Variants in CACNA1C observed in about 807,000 individuals in gnomAD.
The protein encoded by CACNA1C is voltage-dependent L-type calcium channel subunit alpha-1C.
In CACNA1C, 30 loss-of-function variants were observed where a neutral mutation model predicts 229.0. The observed-to-expected ratio is 0.13, with a 90% confidence interval of 0.10 to 0.18. The LOEUF is 0.18. Ranked by LOEUF, CACNA1C falls within the 10% of genes least tolerant of loss-of-function variation. CACNA1C has a pLI of 1.00. For synonymous variants in CACNA1C, 1,114 were observed against 1,132.5 expected (o/e 0.98, Z 0.33); for missense variants, 1,658 against 2,845.0 (o/e 0.58, Z 9.49).
At chr12:2,478,104 A>G (rs945388218) in intron 5 of CACNA1C, among the ~76,000 whole-genome samples, 1 of 152,172 alleles carries the variant, frequency 6.6e-6, no homozygotes, top group African/African-American at 2.4e-5. Flanking sequence ...AGACTAACAG[A>G]ATAAAAGGGC....
intron 1 of CACNA1C, among the ~76,000 whole-genome samples, chr12:2,063,766 C>T (rs1183743222): frequency 6.6e-6 from 1 of 152,202 alleles, no homozygotes; most frequent in African/African-American, 2.4e-5. Flanking sequence ...AAAGCACACG[C>T]CACATTTTGC....
At chr12:2,164,016 G>A (rs778462658) in intron 3 of CACNA1C, among the ~76,000 whole-genome samples, 6 of 152,098 alleles carry the variant, frequency 3.9e-5, no homozygotes, top group Admixed American at 6.6e-5. Flanking sequence ...CCACCTTGCC[G>A]TGGCTTCTTC....
In CACNA1C at chr12:2,653,976, C is replaced by T. The variant is rs866510783; in HGVS notation, c.4140+76C>T. The T allele has an allele frequency of 1.0e-4, 119 of 1,150,264 alleles. 2 individuals are homozygous for T. The highest frequency in any genetic ancestry group is 1.2e-4 in the Admixed American group (7 of 56,214). 71.3% of individuals were successfully genotyped at this position (1,150,264 alleles called of 1,614,324 possible). ...CAGTTCCCAGCACCACATTCCCTAA[C>T]GCCTTCCTCCCTCCCTTCTCCCTTT... On this transcript the variant is annotated intron_variant, in intron 33 of 46. Coordinates refer to ENST00000399655, the MANE Select transcript of CACNA1C (RefSeq NM_000719.7). This position sits in a 1 kb window ranked among gnomAD's most constrained non-coding sequence, Gnocchi z 4.7.
intron 3 of CACNA1C, among the ~76,000 whole-genome samples, chr12:2,289,905 A>G (rs1292123346): frequency 6.6e-6 from 1 of 152,216 alleles, no homozygotes; most frequent in African/African-American, 2.4e-5. Flanking sequence ...GAATATTTGC[A>G]CTTGGAGGAT....
At chr12:2,556,285 A>G (rs1031459332) in intron 10 of CACNA1C, among the ~76,000 whole-genome samples, 1 of 152,034 alleles carries the variant, frequency 6.6e-6, no homozygotes, top group Admixed American at 6.5e-5. Flanking sequence ...CTGCCTTTCC[A>G]TGGAACCTCC....
intron 1 of CACNA1C, chr12:1,993,289 A>T (rs150415068): frequency 1.2e-6 from 2 of 1,614,156 alleles, no homozygotes; most frequent in Non-Finnish European, 1.7e-6. Flanking sequence ...AGAGAAGGAA[A>T]GGGTCCTGGA....
chr12:2,072,168 A>ATT (rs1037974467), intron 1 of CACNA1C, among the ~76,000 whole-genome samples: 1 of 151,278 alleles, frequency 6.6e-6, no homozygotes, highest in Non-Finnish European at 1.5e-5. Flanking sequence ...ATGCAACAAG[A>ATT]TTATATATAT....
chr12:2,309,616 T>C (rs2095309618), intron 3 of CACNA1C, among the ~76,000 whole-genome samples: 1 of 152,202 alleles, frequency 6.6e-6, no homozygotes, highest in Admixed American at 6.5e-5. Context: ...TTTTAATTTG[T>C]CAGTTATACC....
chr12:2,249,043 C>T (rs1451112872), intron 3 of CACNA1C, among the ~76,000 whole-genome samples: 1 of 152,148 alleles, frequency 6.6e-6, no homozygotes, highest in East Asian at 1.9e-4. Context: ...GTGGTTGTCA[C>T]GTTTCATTTC....
chr12:2,484,327 G>C (rs1457309766), intron 5 of CACNA1C, among the ~76,000 whole-genome samples: 1 of 152,166 alleles, frequency 6.6e-6, no homozygotes, highest in Non-Finnish European at 1.5e-5. Context: ...CCCTGTGGTG[G>C]GAGGAACAGT....
At chr12:2,293,981 T>A (rs1212946642) in intron 3 of CACNA1C, among the ~76,000 whole-genome samples, 8 of 152,194 alleles carry the variant, frequency 5.3e-5, no homozygotes, top group Admixed American at 6.5e-5. Flanking sequence ...GCTAATATAT[T>A]AATTGAATCA....
At chr12:2,481,884 C>G (rs768079363) in intron 5 of CACNA1C, among the ~76,000 whole-genome samples, 2 of 152,274 alleles carry the variant, frequency 1.3e-5, no homozygotes, top group African/African-American at 4.8e-5. Flanking sequence ...TTGTCTAGGG[C>G]CCATTTTCTT....
chr12:2,065,217 T>C (rs2154520092), intron 1 of CACNA1C, among the ~76,000 whole-genome samples: 1 of 152,328 alleles, frequency 6.6e-6, no homozygotes, highest in East Asian at 1.9e-4. Context: ...GACTCAGAGC[T>C]CATATTTGGT....
intron 7 of CACNA1C, among the ~76,000 whole-genome samples, chr12:2,496,722 A>G (rs1598087980): frequency 6.6e-6 from 1 of 152,264 alleles, no homozygotes; most frequent in East Asian, 1.9e-4. Flanking sequence ...TGAGGCTCCA[A>G]CAAGCCGAGC....
intron 3 of CACNA1C, among the ~76,000 whole-genome samples, chr12:2,262,000 T>C (rs2080427701): frequency 6.6e-6 from 1 of 152,220 alleles, no homozygotes; most frequent in Non-Finnish European, 1.5e-5. Flanking sequence ...TCCAGTCCCT[T>C]GGGAAGGCAG....
chr12:2,548,583 A>AT (rs564882075), intron 9 of CACNA1C, among the ~76,000 whole-genome samples: 21 of 152,190 alleles, frequency 1.4e-4, no homozygotes, highest in African/African-American at 4.3e-4. Flanking sequence ...TGACATCTGG[A>AT]TTTTTTTTAA....
At chr12:2,370,636 A>G (rs1317880350) in intron 3 of CACNA1C, among the ~76,000 whole-genome samples, 1 of 152,248 alleles carries the variant, frequency 6.6e-6, no homozygotes, top group East Asian at 1.9e-4. Context: ...ACATTTTTGT[A>G]CAGTATAAAA....
At chr12:2,362,379 G>A (rs940454583) in intron 3 of CACNA1C, among the ~76,000 whole-genome samples, 3 of 152,150 alleles carry the variant, frequency 2.0e-5, no homozygotes, top group Admixed American at 6.5e-5. Flanking sequence ...CTTCACTCAC[G>A]TGGGCCTGTG....
At chr12:2,311,548 A>G (rs2154485157) in intron 3 of CACNA1C, among the ~76,000 whole-genome samples, 1 of 152,324 alleles carries the variant, frequency 6.6e-6, no homozygotes, top group East Asian at 1.9e-4. Flanking sequence ...TGCTTAAGCC[A>G]TCCTCTCTCG....
Sources: allele counts gnomAD v4.1 joint callset (sites outside exome capture counted in the v4.1 genomes callset), GRCh38; gene constraint gnomAD v4.1.1; non-coding constraint Gnocchi (gnomAD v3.1); transcripts MANE v1.5; gene names NCBI Gene and HGNC (gene_info 2026-07-23, HGNC 2026-07-21).